Variants in RGS3 observed in about 807,000 individuals in gnomAD.
RGS3 encodes regulator of G-protein signalling 3.
In RGS3, 80 loss-of-function variants were observed where a neutral mutation model predicts 132.6. The ratio of observed to expected loss-of-function variants is 0.60; its 90% CI spans 0.50 to 0.73. The LOEUF (loss-of-function observed/expected upper bound fraction) is 0.73, where lower values mean the gene tolerates loss of function less well. Among genes scored for constraint, RGS3 ranks in the 30% least tolerant of loss-of-function variants. The pLI, the probability that RGS3 is intolerant of heterozygous loss-of-function variation, is 0.00. For synonymous variants in RGS3, 598 were observed against 620.6 expected, an observed-to-expected ratio of 0.96 and a Z score of 0.54; for missense variants, 1,382 against 1,530.8, an observed-to-expected ratio of 0.90 and a Z score of 1.62.
chr9:113,471,796 TG>T (rs1329590288), intron 3 of RGS3, among the ~76,000 whole-genome samples: 1 of 152,164 alleles, frequency 6.6e-6, no homozygotes, highest in Non-Finnish European at 1.5e-5. Context: ...CTCAGTTCCT[TG>T]CTACCTGTAA....
chr9:113,595,880 G>A lies in RGS3; in HGVS notation c.3411+115G>A, dbSNP rs929335994. On this transcript the variant is annotated intron_variant, in intron 24 of 24. Coordinates refer to ENST00000350696, the Ensembl canonical transcript of RGS3. ...GGGAGAGGCCAGAATGACTCCATGA[G>A]CCCAGGTACCCAGCAGGGAAGATGC... The A allele has an allele frequency of 1.6e-5, 18 of 1,129,538 alleles. No homozygotes were observed. In the South Asian group the frequency reaches 2.5e-4, roughly 16 times the overall value. The allele number at this position is 1,129,538 out of a possible 1,614,324, so 70.0% of individuals were successfully genotyped here. A position where few individuals can be genotyped will look rare whatever the true frequency, so the allele number is the denominator to read the frequency against.
intron 19 of RGS3, among the ~76,000 whole-genome samples, chr9:113,555,224 C>T (rs1833520836): frequency 6.6e-6 from 1 of 152,174 alleles, no homozygotes. Flanking sequence ...CATCCCAAGG[C>T]CAACCCCTAT....
At position 113,523,086 on chromosome 9, in the gene RGS3, C is replaced by T. The variant is rs1248828482; in HGVS notation, c.1870+45C>T. 3.2e-6 allele frequency: 4 copies of T among 1,239,144 alleles called. No homozygotes were observed. The African/African-American group carries it at 4.4e-5, about 14-fold the overall frequency. The allele number at this position is 1,239,144 out of a possible 1,614,324, so 76.8% of individuals were successfully genotyped here. A position where few individuals can be genotyped will look rare whatever the true frequency, so the allele number is the denominator to read the frequency against. On this transcript the variant is annotated intron_variant, in intron 17 of 24. Transcript: ENST00000350696. ...GCCCAGAGCCCCTCTCAACTTGCCC[C>T]AGTCCCACTGCTCTGGGCAGCCCTC...
At chr9:113,595,473 G>A (rs987849400) in intron 23 of RGS3, 126 bp from the exon 22 acceptor site, 21 of 1,048,340 alleles carry the variant, frequency 2.0e-5, no homozygotes, top group Admixed American at 1.6e-4. Flanking sequence ...CCTGGCTGTC[G>A]GGGACGGGCA....
chr9:113,496,061 G>A (rs1830674685), intron 8 of RGS3, among the ~76,000 whole-genome samples: 1 of 152,184 alleles, frequency 6.6e-6, no homozygotes, highest in African/African-American at 2.4e-5. Context: ...TTGCCAGAGA[G>A]CAGTTTGTTA....
At chr9:113,553,459 A>AAATAT (rs1426114805) in intron 19 of RGS3, among the ~76,000 whole-genome samples, 1 of 58,694 alleles carries the variant, frequency 1.7e-5, no homozygotes, top group Non-Finnish European at 3.0e-5. Flanking sequence ...AAAAAAAAAA[A>AAATAT]ATATATATAT....
At chr9:113,550,101 T>C (rs1216634099) in intron 19 of RGS3, among the ~76,000 whole-genome samples, 1 of 152,212 alleles carries the variant, frequency 6.6e-6, no homozygotes, top group Non-Finnish European at 1.5e-5. Context: ...CGGTGGCTCA[T>C]GCCTGTAATC....
At position 113,448,947 on chromosome 9, in the gene RGS3, T is replaced by C. The variant is rs529657281; in HGVS notation, c.-13+4020T>C. 2.6e-5 allele frequency among the ~76,000 whole-genome samples: 4 copies of C among 152,022 alleles called. No homozygotes were observed. The East Asian group carries it at 7.7e-4, about 29-fold the overall frequency. ...GCGTTTGAAGTGGAGGGAAGTGACATAGGTGGGAAAAGTTTGGGGAGCAGG... is the reference window on the plus strand; with the variant it reads ...GCGTTTGAAGTGGAGGGAAGTGACACAGGTGGGAAAAGTTTGGGGAGCAGG... On this transcript the variant is annotated intron_variant, in intron 1 of 25. Transcript: ENST00000374140.
At chr9:113,551,943 A>G (rs1462618989) in intron 19 of RGS3, among the ~76,000 whole-genome samples, 5 of 152,218 alleles carry the variant, frequency 3.3e-5, no homozygotes, top group Admixed American at 3.3e-4. Flanking sequence ...ATTTCTTTAA[A>G]TCCTCACTAA....
chr9:113,576,483 C>G (rs1209116701), intron 19 of RGS3, among the ~76,000 whole-genome samples: 3 of 151,938 alleles, frequency 2.0e-5, no homozygotes, highest in African/African-American at 4.8e-5. Flanking sequence ...AGGCGCCCAC[C>G]ACCACGTCCA....
chr9:113,508,955 C>A (rs1831274695), intron 14 of RGS3, among the ~76,000 whole-genome samples: 1 of 152,050 alleles, frequency 6.6e-6, no homozygotes, highest in South Asian at 2.1e-4. Flanking sequence ...GGTGGGAGGT[C>A]TTGAGTTGGA....
chr9:113,463,953 G>A lies in RGS3; in HGVS notation c.415+1752G>A. 3 of 1,516,938 alleles carry A rather than the reference G, an allele frequency of 2.0e-6. No homozygotes were observed. Among genetic ancestry groups the A allele is most frequent in the East Asian group, 2.3e-5 (1 of 43,546 alleles). 94.0% of individuals were successfully genotyped at this position (1,516,938 alleles called of 1,614,324 possible). A position where few individuals can be genotyped will look rare whatever the true frequency, so the allele number is the denominator to read the frequency against. ...CCAGCGCCCAGAAACGCAGCCCCTCGTGGTGACAGGGGAGGCTGGGAGCAG... is the reference window on the plus strand; with the variant it reads ...CCAGCGCCCAGAAACGCAGCCCCTCATGGTGACAGGGGAGGCTGGGAGCAG... On this transcript the variant is annotated intron_variant, in intron 3 of 24. Coordinates refer to ENST00000350696, the Ensembl canonical transcript of RGS3. The surrounding 1 kb of genome is among the most constrained non-coding windows in gnomAD (Gnocchi z 4.6).
intron 7 of RGS3, among the ~76,000 whole-genome samples, chr9:113,491,256 CT>C (rs1425386220): frequency 6.7e-6 from 1 of 148,718 alleles, no homozygotes; most frequent in African/African-American, 2.5e-5. Flanking sequence ...AGGGCATAAT[CT>C]TTTTTTAAAG....
In RGS3 at chr9:113,517,367, T is replaced by C. The variant is rs1310455480; in HGVS notation, c.1675-174T>C. ...CACAGGACAGCAGCGTCTCTCTTTC[T>C]GTTTCCATCTTATGTATGAGGGGGT... On this transcript the variant is annotated intron_variant, in intron 15 of 24. Transcript: ENST00000350696. 3 of 698,222 alleles carry C rather than the reference T, an allele frequency of 4.3e-6. No homozygotes were observed. In the African/African-American group the frequency reaches 5.3e-5, roughly 12 times the overall value. 43.3% of individuals were successfully genotyped at this position (698,222 alleles called of 1,614,324 possible).
intron 1 of RGS3, among the ~76,000 whole-genome samples, chr9:113,453,033 A>AATATATATAATATATT (rs1554752298): frequency 8.3e-5 from 11 of 132,318 alleles, no homozygotes; most frequent in Admixed American, 8.5e-5. Context: ...TATAATATAT[A>AATATATATAATATATT]ATATATATAA....
chr9:113,490,059 A>C (rs1024762460), intron 7 of RGS3, among the ~76,000 whole-genome samples: 1 of 152,194 alleles, frequency 6.6e-6, no homozygotes, highest in Non-Finnish European at 1.5e-5. Context: ...ACCAGGCCTC[A>C]GCACAGTAGA....
chr9:113,481,344 G>A (rs1830153289), intron 4 of RGS3, among the ~76,000 whole-genome samples: 1 of 152,158 alleles, frequency 6.6e-6, no homozygotes, highest in Non-Finnish European at 1.5e-5. Context: ...TGTCACTGCT[G>A]GCCAGAGAGA....
At chr9:113,594,839 CAA>C (rs1007240810) in intron 22 of RGS3, 78 bp from the exon 21 acceptor site, 3 of 1,424,484 alleles carry the variant, frequency 2.1e-6, no homozygotes, top group Non-Finnish European at 3.0e-6. Context: ...GGGCAGTAAA[CAA>C]AGGCCGCCTG....
intron 19 of RGS3, among the ~76,000 whole-genome samples, chr9:113,573,987 G>A (rs1188411001): frequency 6.6e-6 from 1 of 152,200 alleles, no homozygotes; most frequent in Admixed American, 6.5e-5. Context: ...TTTTGATCTT[G>A]TGTAAGTTAC....
Sources: gnomAD v4.1 joint callset for allele counts (sites outside exome capture counted in the v4.1 genomes callset) on GRCh38, gnomAD v4.1.1 for gene constraint, Gnocchi (gnomAD v3.1) non-coding constraint, MANE v1.5 for transcripts, NCBI Gene and HGNC (gene_info 2026-07-23, HGNC 2026-07-21) for gene names.